Variants in BIN3 observed in about 807,000 individuals in gnomAD.
BIN3 encodes bridging integrator 3.
Under a neutral mutation model 38.2 loss-of-function variants are expected in BIN3, and 41 were observed. That is an observed-to-expected ratio of 1.07 (90% CI 0.84 to 1.39). The LOEUF (loss-of-function observed/expected upper bound fraction) is 1.39. Ranked by LOEUF, BIN3 falls within the 40% of genes most tolerant of loss-of-function variation. The probability of loss-of-function intolerance (pLI) is 0.00; values close to 1 mark genes in which losing one functional copy is unlikely to be tolerated. For missense variants in BIN3, 361 were observed against 324.3 expected, an observed-to-expected ratio of 1.11 and a Z score of -0.87; for synonymous variants, 145 against 122.6, an observed-to-expected ratio of 1.18 and a Z score of -1.21.
At chr8:22,632,788 A>G (rs1446975885) in intron 4 of BIN3, among the ~76,000 whole-genome samples, 1 of 145,408 alleles carries the variant, frequency 6.9e-6, no homozygotes, top group Non-Finnish European at 1.5e-5. Context: ...GGCTCACTGC[A>G]TCCTCCGCCT....
intron 1 of BIN3, among the ~76,000 whole-genome samples, chr8:22,647,150 A>T (rs1802739500): frequency 6.6e-6 from 1 of 152,220 alleles, no homozygotes; most frequent in East Asian, 1.9e-4. Context: ...TCTAAACTGA[A>T]TCTCCACTCC....
chr8:22,629,584 A>G (rs377616961), intron 6 of BIN3: 32 of 246,204 alleles, frequency 1.3e-4, no homozygotes, highest in East Asian at 9.6e-4. Flanking sequence ...TGGCGGGGCA[A>G]GATGAAAGGC....
chr8:22,632,682 G>A (rs1033559173), intron 4 of BIN3, among the ~76,000 whole-genome samples: 1 of 150,306 alleles, frequency 6.7e-6, no homozygotes, highest in Non-Finnish European at 1.5e-5. Flanking sequence ...CCAGAGGAGC[G>A]AGGACACGGT....
chr8:22,654,367 C>T (rs1802994270), intron 1 of BIN3, among the ~76,000 whole-genome samples: 1 of 152,192 alleles, frequency 6.6e-6, no homozygotes, highest in African/African-American at 2.4e-5. Context: ...ATAACATTCA[C>T]CCTTTTAAAG....
At chr8:22,623,890 G>C in intron 8 of BIN3, 25 bp downstream of exon 8, 1 of 1,608,620 alleles carries the variant, frequency 6.2e-7, no homozygotes, top group Non-Finnish European at 8.5e-7. Context: ...ACCAAGCCCA[G>C]GGGAAGAGCA....
At chr8:22,631,922 AG>A (rs1195391692) in intron 4 of BIN3, among the ~76,000 whole-genome samples, 2 of 152,080 alleles carry the variant, frequency 1.3e-5, no homozygotes, top group Admixed American at 6.5e-5. Context: ...AAAATTCTGG[AG>A]GGGCAGGAAG....
At chr8:22,624,563 T>G (rs1801949796) in intron 6 of BIN3, 200 bp from the exon 7 acceptor site, 7 of 623,050 alleles carry the variant, frequency 1.1e-5, no homozygotes, top group Non-Finnish European at 1.9e-5. Flanking sequence ...GGGAGTTCAC[T>G]GTGAACAAGA....
intron 5 of BIN3, 84 bp from the exon 6 acceptor site, chr8:22,630,088 C>G: frequency 7.3e-7 from 1 of 1,375,420 alleles, no homozygotes; most frequent in South Asian, 1.2e-5. Context: ...TACCAAAGGG[C>G]TAGGAAGTCT....
chr8:22,646,649 C>T (rs1802722450), intron 1 of BIN3, among the ~76,000 whole-genome samples: 1 of 152,006 alleles, frequency 6.6e-6, no homozygotes, highest in Non-Finnish European at 1.5e-5. Flanking sequence ...CTTCTGTAAA[C>T]AAATAAATTC....
intron 4 of BIN3, 106 bp downstream of exon 4, chr8:22,636,419 G>A (rs1802366464): frequency 1.5e-5 from 18 of 1,186,254 alleles, no homozygotes; most frequent in East Asian, 5.1e-5. Context: ...CTGGGTACAC[G>A]TCCTCTGAGC....
intron 4 of BIN3, among the ~76,000 whole-genome samples, chr8:22,631,735 G>T (rs564848786): frequency 6.6e-6 from 1 of 152,260 alleles, no homozygotes; most frequent in South Asian, 2.1e-4. Context: ...GGATCCCCAT[G>T]AATGTGCCGC....
chr8:22,654,562 G>T (rs967425419), intron 1 of BIN3, among the ~76,000 whole-genome samples: 1 of 152,200 alleles, frequency 6.6e-6, no homozygotes, highest in East Asian at 1.9e-4. Context: ...ACATTGCACA[G>T]AAGTAGAATT....
chr8:22,652,135 A>C (rs1171563223), intron 1 of BIN3, among the ~76,000 whole-genome samples: 3 of 152,048 alleles, frequency 2.0e-5, no homozygotes, highest in African/African-American at 7.2e-5. Flanking sequence ...TTAATTAAAA[A>C]GTTTCTTCTT....
intron 1 of BIN3, among the ~76,000 whole-genome samples, chr8:22,655,999 T>TA (rs1803045490): frequency 1.3e-5 from 2 of 152,150 alleles, no homozygotes; most frequent in South Asian, 4.1e-4. Context: ...CCCTTCTCAT[T>TA]AAAAATTTTT....
rs972815460 is a variant in BIN3, at chr8:22,620,438, CTTGT to C, written c.*980_*983del. ...TGGGGTTTTTTTTTTTTTTTTTTGG[CTTGT>C]TTTTTAAATAAACCAAAGTCAAAAA... On this transcript the variant is annotated 3_prime_UTR_variant, in exon 9 of 9. Coordinates refer to ENST00000276416, the MANE Select transcript of BIN3 (RefSeq NM_018688.6). 1.6e-5 allele frequency: 1 copy of C among 60,650 alleles called. No individual in the cohort carries two copies. The highest frequency in any genetic ancestry group is 3.9e-5 in the Non-Finnish European group (1 of 25,478). The allele number at this position is 60,650 out of a possible 1,614,324, so 3.8% of individuals were successfully genotyped here. A position where few individuals can be genotyped will look rare whatever the true frequency, so the allele number is the denominator to read the frequency against.
intron 4 of BIN3, among the ~76,000 whole-genome samples, chr8:22,635,256 C>T (rs1270603362): frequency 2.6e-5 from 4 of 152,148 alleles, no homozygotes; most frequent in Non-Finnish European, 4.4e-5. Context: ...TTGCACGCCA[C>T]GACGTGTCAT....
At chr8:22,644,051 T>C (rs766904322) in intron 2 of BIN3, among the ~76,000 whole-genome samples, 9 of 152,212 alleles carry the variant, frequency 5.9e-5, no homozygotes, top group Admixed American at 2.6e-4. Context: ...GCTTTGCCAG[T>C]GTGGGGTTTT....
chr8:22,652,314 G>A (rs1263395153), intron 1 of BIN3, among the ~76,000 whole-genome samples: 1 of 152,206 alleles, frequency 6.6e-6, no homozygotes, highest in Non-Finnish European at 1.5e-5. Context: ...CACGAACCAT[G>A]TTTATCTACT....
chr8:22,628,059 GAGA>G (rs761939713), intron 6 of BIN3, among the ~76,000 whole-genome samples: 4 of 152,258 alleles, frequency 2.6e-5, no homozygotes, highest in Non-Finnish European at 1.5e-5. Flanking sequence ...GGGCGAAGAG[GAGA>G]AGGAGAGGGA....
Sources: allele counts gnomAD v4.1 joint callset (sites outside exome capture counted in the v4.1 genomes callset), GRCh38; gene constraint gnomAD v4.1.1; transcripts MANE v1.5; gene names NCBI Gene and HGNC (gene_info 2026-07-23, HGNC 2026-07-21).